VIT: variants seen among roughly 807,000 people sequenced by gnomAD.
The protein encoded by VIT is vitrin.
Under a neutral mutation model 78.0 loss-of-function variants are expected in VIT, and 99 were observed. The observed-to-expected ratio is 1.27, with a 90% CI of 1.08 to 1.50. The LOEUF (loss-of-function observed/expected upper bound fraction) is 1.50. Ranked by LOEUF, VIT falls within the 40% of genes most tolerant of loss-of-function variation. The pLI is 0.00. For missense variants in VIT, 1,126 were observed against 875.3 expected (o/e 1.29, Z -3.61); for synonymous variants, 374 against 334.3 (o/e 1.12, Z -1.29).
chr2:36,797,131 A>G lies in VIT; in HGVS notation c.1059-4170A>G, dbSNP rs1665963140. Reference sequence around the variant, plus strand: ...TTTTTTTTTGGCTCTGAAAATGTTGATAACCCTTGGTCACTAGAGGAAGAT... The same window carrying G: ...TTTTTTTTTGGCTCTGAAAATGTTGGTAACCCTTGGTCACTAGAGGAAGAT... On this transcript the variant is annotated intron_variant, in intron 12 of 15. Transcript: ENST00000379242. Among the ~76,000 whole-genome samples, 10 of 147,988 alleles carry G rather than the reference A, an allele frequency of 6.8e-5. No individual in the cohort carries two copies. In the South Asian group the frequency reaches 2.1e-3, roughly 31 times the overall value.
chr2:36,707,578 C>T lies in VIT; in HGVS notation c.-18-8775C>T, dbSNP rs988338905. ...GTTTAACCATCCTTGCCTTATGCCT[C>T]GAATTGGGATCTGCCCGGGAGCTGT... On this transcript the variant is annotated intron_variant, in intron 1 of 15. Transcript: ENST00000379242. Among the ~76,000 whole-genome samples, 36 of 152,156 alleles carry T rather than the reference C, an allele frequency of 2.4e-4. 1 individual carries two copies. The highest frequency in any genetic ancestry group is 3.3e-4 in the Admixed American group (5 of 15,274).
chr2:36,808,729 C>G lies in VIT; in HGVS notation c.1647C>G (p.Ile549Met), dbSNP rs778017607. The G allele has an allele frequency of 1.2e-6, 2 of 1,614,224 alleles. No individual in the cohort carries two copies. The highest frequency in any genetic ancestry group is 1.7e-5 in the Admixed American group (1 of 60,032). The change falls in exon 15 of 16, where the codon ATC (isoleucine) becomes ATG (methionine). Residue 549 changes from isoleucine (I) to methionine (M), a missense_variant. By Grantham distance (10) the Ile-to-Met change is conservative. Coordinates refer to ENST00000379242, the MANE Select transcript of VIT (RefSeq NM_053276.4). ...EFEISDTDTR[I>M]GAVQYTYEQR... The stretch of plus-strand genomic sequence containing the variant: ...AGATTTCCGACACGGACACGCGCAT[C>G]GGGGCCGTGCAGTACACCTACGAAC...
intron 3 of VIT, among the ~76,000 whole-genome samples, chr2:36,733,349 C>CCT (rs753060335): frequency 3.2e-4 from 49 of 151,924 alleles, no homozygotes; most frequent in Non-Finnish European, 4.7e-4. Flanking sequence ...TCTCTCCCCC[C>CCT]CTCTCTCTCT....
rs564617977 is a variant in VIT at position 36,705,458 on chromosome 2, G to A, written c.-19+8485G>A. Among the ~76,000 whole-genome samples the A allele has an allele frequency of 3.3e-5, 5 of 152,230 alleles. No homozygotes were observed. In the East Asian group the frequency reaches 7.7e-4, roughly 24 times the overall value. On this transcript the variant is annotated intron_variant, in intron 1 of 15. Transcript: ENST00000379242. ...TGTGGTAAGCATTACCATATGTCAG[G>A]TTCCTAACACAGTACAAAATAACCG...
chr2:36,702,136 G>A (rs906899472), intron 1 of VIT, among the ~76,000 whole-genome samples: 2 of 152,214 alleles, frequency 1.3e-5, no homozygotes, highest in African/African-American at 4.8e-5. Flanking sequence ...GGCAACCTAT[G>A]TGGGTCCCTC....
chr2:36,714,731 CA>C (rs1448144189), intron 1 of VIT, among the ~76,000 whole-genome samples: 2 of 152,174 alleles, frequency 1.3e-5, no homozygotes, highest in Admixed American at 1.3e-4. Context: ...ACCTCCATTC[CA>C]ATCCTATTCA....
intron 13 of VIT, 28 bp downstream of exon 13, chr2:36,801,432 A>C: frequency 6.5e-7 from 1 of 1,541,782 alleles, no homozygotes; most frequent in South Asian, 1.1e-5. Context: ...AAATTATACT[A>C]TCTTGCTACC....
At chr2:36,717,154 C>T (rs1293433848) in intron 2 of VIT, among the ~76,000 whole-genome samples, 2 of 149,970 alleles carry the variant, frequency 1.3e-5, no homozygotes, top group African/African-American at 2.5e-5. Context: ...GGATTACAGG[C>T]GTGAGCCACC....
At chr2:36,699,194 A>G (rs1664863833) in intron 1 of VIT, among the ~76,000 whole-genome samples, 1 of 152,134 alleles carries the variant, frequency 6.6e-6, no homozygotes, top group African/African-American at 2.4e-5. Context: ...AAGGGCATTT[A>G]GCCATGGTGC....
intron 4 of VIT, among the ~76,000 whole-genome samples, chr2:36,746,750 AC>A (rs1429437926): frequency 6.6e-6 from 1 of 152,024 alleles, no homozygotes; most frequent in Non-Finnish European, 1.5e-5. Flanking sequence ...CAAAAAACAA[AC>A]TTTTGGTTTC....
chr2:36,739,823 T>C (rs1667729209), intron 3 of VIT, among the ~76,000 whole-genome samples: 1 of 152,052 alleles, frequency 6.6e-6, no homozygotes, highest in Non-Finnish European at 1.5e-5. Context: ...ACTCAAGAGG[T>C]CTGGGCTCCC....
chr2:36,779,675 T>C (rs972967068), intron 9 of VIT, among the ~76,000 whole-genome samples: 5 of 152,164 alleles, frequency 3.3e-5, no homozygotes, highest in African/African-American at 1.2e-4. Context: ...CCACCATGTG[T>C]TCTCATCATT....
At chr2:36,772,571 GT>G (rs1256641359) in intron 7 of VIT, among the ~76,000 whole-genome samples, 6 of 152,062 alleles carry the variant, frequency 3.9e-5, no homozygotes, top group African/African-American at 1.4e-4. Flanking sequence ...GCAGAGCATG[GT>G]GATGTGCACT....
chr2:36,805,002 T>A (rs1666602688), intron 13 of VIT, among the ~76,000 whole-genome samples: 1 of 151,938 alleles, frequency 6.6e-6, no homozygotes, highest in Non-Finnish European at 1.5e-5. Flanking sequence ...ATAGTTGAAG[T>A]GATTTTAAAA....
chr2:36,782,976 C>T (rs766087238), intron 10 of VIT, among the ~76,000 whole-genome samples: 6 of 152,162 alleles, frequency 3.9e-5, no homozygotes, highest in African/African-American at 9.7e-5. Context: ...GAGGTTTATT[C>T]GAGCAAGACA....
At chr2:36,786,538 G>GAAAA (rs1442536580) in intron 11 of VIT, among the ~76,000 whole-genome samples, 1 of 151,866 alleles carries the variant, frequency 6.6e-6, no homozygotes, top group Non-Finnish European at 1.5e-5. Context: ...AAGAAAGAAA[G>GAAAA]AAAAAAAATC....
chr2:36,768,303 G>A (rs982190330), intron 7 of VIT, among the ~76,000 whole-genome samples: 10 of 152,046 alleles, frequency 6.6e-5, no homozygotes, highest in African/African-American at 2.2e-4. Flanking sequence ...GTGGTGGCAC[G>A]TGCCTATAGT....
chr2:36,792,222 T>C (rs1163195737), intron 12 of VIT, among the ~76,000 whole-genome samples: 1 of 152,096 alleles, frequency 6.6e-6, no homozygotes, highest in Admixed American at 6.5e-5. Context: ...CCTGGCCTGA[T>C]TTTCCAGGGC....
At chr2:36,773,920 T>A in intron 8 of VIT, 73 bp downstream of exon 8, 1 of 1,451,866 alleles carries the variant, frequency 6.9e-7, no homozygotes, top group Non-Finnish European at 9.3e-7. Context: ...TCTCCACATC[T>A]TTGCCATTTA....
Sources: gnomAD v4.1 joint callset for allele counts (sites outside exome capture counted in the v4.1 genomes callset) on GRCh38, gnomAD v4.1.1 for gene constraint, MANE v1.5 for transcripts, NCBI Gene and HGNC (gene_info 2026-07-23, HGNC 2026-07-21) for gene names.